RPIA: variants seen among roughly 807,000 people sequenced by gnomAD.
RPIA encodes ribose-5-phosphate isomerase.
A neutral mutation model predicts 37.8 loss-of-function variants in RPIA; 29 were observed. The observed-to-expected ratio is 0.77, with a 90% confidence interval of 0.57 to 1.05. The LOEUF (loss-of-function observed/expected upper bound fraction) is 1.05. Ranked by LOEUF, RPIA falls within the 50% of genes least tolerant of loss-of-function variation. RPIA has a pLI of 0.00. For missense variants in RPIA, 385 were observed against 413.6 expected, an observed-to-expected ratio of 0.93 and a Z score of 0.60; for synonymous variants, 167 against 157.0, an observed-to-expected ratio of 1.06 and a Z score of -0.48.
chr2:88,729,248 AT>A, intron 3 of RPIA, 29 bp from the exon 4 acceptor site: 2 of 1,610,982 alleles, frequency 1.2e-6, no homozygotes, highest in Non-Finnish European at 1.7e-6. Flanking sequence ...CAAGTAAATG[AT>A]CGTGGTTGCT....
At chr2:88,708,452 G>A (rs1023901956) in intron 3 of RPIA, among the ~76,000 whole-genome samples, 3 of 152,200 alleles carry the variant, frequency 2.0e-5, no homozygotes, top group Admixed American at 6.5e-5. Context: ...CAAAAAAAAG[G>A]TCCCTTGGCT....
chr2:88,710,697 A>G (rs1033429336), intron 3 of RPIA, among the ~76,000 whole-genome samples: 1 of 152,228 alleles, frequency 6.6e-6, no homozygotes, highest in Non-Finnish European at 1.5e-5. Flanking sequence ...ATGAGGTGCT[A>G]TAATTTTTAG....
rs189214059 is a variant in RPIA at position 88,728,613 on chromosome 2, C to T, written c.403-665C>T. On this transcript the variant is annotated intron_variant, in intron 3 of 8. Coordinates refer to ENST00000283646, the MANE Select transcript of RPIA (RefSeq NM_144563.3). ...GGTATCTTTATTCCAGCTACGAATC[C>T]TGCTCAGAGCCAAAATTTGATGGCT... Among the ~76,000 whole-genome samples the T allele has an allele frequency of 9.2e-5, 14 of 152,310 alleles. No individual in the cohort carries two copies. The East Asian group carries it at 2.7e-3, about 29-fold the overall frequency.
chr2:88,741,194 T>A (rs1257156948), intron 8 of RPIA, among the ~76,000 whole-genome samples: 2 of 152,158 alleles, frequency 1.3e-5, no homozygotes, highest in African/African-American at 4.8e-5. Context: ...ATGCATAGTC[T>A]TTTCTCCCTT....
chr2:88,729,750 CA>C (rs2104126034), intron 4 of RPIA, among the ~76,000 whole-genome samples: 1 of 12,988 alleles, frequency 7.7e-5, no homozygotes, highest in South Asian at 1.1e-3. Context: ...GAAATAGAGA[CA>C]CAAAAAACCC....
chr2:88,705,199 A>G (rs1307446579), intron 3 of RPIA, among the ~76,000 whole-genome samples: 1 of 152,212 alleles, frequency 6.6e-6, no homozygotes, highest in East Asian at 1.9e-4. Context: ...CATTCTTCAC[A>G]TAATTAGAAA....
chr2:88,726,567 C>T (rs1673199644), intron 3 of RPIA, among the ~76,000 whole-genome samples: 1 of 152,086 alleles, frequency 6.6e-6, no homozygotes, highest in Non-Finnish European at 1.5e-5. Flanking sequence ...GGTGTGGTGC[C>T]TGGCACTCCA....
At chr2:88,721,574 C>G (rs1031560537) in intron 3 of RPIA, among the ~76,000 whole-genome samples, 1 of 48,036 alleles carries the variant, frequency 2.1e-5, no homozygotes, top group African/African-American at 9.4e-5. Context: ...CACACACACC[C>G]CCCCCCCCAC....
intron 4 of RPIA, among the ~76,000 whole-genome samples, chr2:88,733,979 C>G (rs1280635018): frequency 2.0e-5 from 3 of 152,156 alleles, no homozygotes; most frequent in African/African-American, 7.2e-5. Context: ...CCAGTAATTT[C>G]CAGTTCGGGA....
intron 3 of RPIA, among the ~76,000 whole-genome samples, chr2:88,722,106 T>C (rs1016634195): frequency 4.6e-5 from 7 of 151,864 alleles, no homozygotes; most frequent in Non-Finnish European, 8.8e-5. Flanking sequence ...AAATTAACCA[T>C]ACAAGATTTT....
At chr2:88,695,414 G>A (rs142793578) in intron 1 of RPIA, among the ~76,000 whole-genome samples, 1 of 152,228 alleles carries the variant, frequency 6.6e-6, no homozygotes, top group Non-Finnish European at 1.5e-5. Context: ...GGTGTCTGCT[G>A]CAGAGTAGAT....
At chr2:88,702,004 A>G (rs1000659342) in intron 3 of RPIA, among the ~76,000 whole-genome samples, 18 of 152,234 alleles carry the variant, frequency 1.2e-4, no homozygotes, top group African/African-American at 4.1e-4. Context: ...TTGAACATAG[A>G]TTTTGATAGT....
chr2:88,739,644 G>T (rs1340037178), intron 8 of RPIA, among the ~76,000 whole-genome samples: 1 of 152,080 alleles, frequency 6.6e-6, no homozygotes, highest in African/African-American at 2.4e-5. Context: ...TTGAGATAGG[G>T]TCTCGCTCTG....
At position 88,700,069 on chromosome 2, in the gene RPIA, G is replaced by T. The variant is rs1185154926; in HGVS notation, c.402+5G>T. 2.5e-6 allele frequency: 4 copies of T among 1,614,086 alleles called. No homozygotes were observed. Among genetic ancestry groups the T allele is most frequent in the Middle Eastern group, 3.3e-4 (2 of 6,062 alleles). On this transcript the variant is annotated splice_donor_5th_base_variant and intron_variant, in intron 3 of 8. Coordinates refer to ENST00000283646, the MANE Select transcript of RPIA (RefSeq NM_144563.3). ...TGTATTCCCACTTCCTTCCAGGTAT[G>T]TCCTGCTTTCCATCTGCATCGTGAC...
At chr2:88,727,843 G>C (rs1051131472) in intron 3 of RPIA, among the ~76,000 whole-genome samples, 1 of 152,094 alleles carries the variant, frequency 6.6e-6, no homozygotes, top group Non-Finnish European at 1.5e-5. Context: ...TCTTTGATAA[G>C]TTCAAAATCA....
Position 88,750,149 on chromosome 2 carries a change from A to C in RPIA, c.*71A>C, listed in dbSNP as rs1673486716. ...GCCAAGGTGGACGTACCTCTCCAGG[A>C]GCCTTTGCCTTAATGTATCTCTGCC... On this transcript the variant is annotated 3_prime_UTR_variant, in exon 9 of 9. Transcript: ENST00000283646. 4.7e-6 allele frequency: 5 copies of C among 1,054,770 alleles called. No homozygotes were observed. In the Middle Eastern group the frequency reaches 8.4e-4, roughly 177 times the overall value. 65.3% of individuals were successfully genotyped at this position (1,054,770 alleles called of 1,614,324 possible). A position where few individuals can be genotyped will look rare whatever the true frequency, so the allele number is the denominator to read the frequency against.
intron 3 of RPIA, among the ~76,000 whole-genome samples, chr2:88,728,644 C>A (rs994329148): frequency 6.6e-6 from 1 of 152,122 alleles, no homozygotes; most frequent in Admixed American, 6.5e-5. Context: ...TGGCTGTAAC[C>A]ACTGTTCTCC....
intron 3 of RPIA, among the ~76,000 whole-genome samples, chr2:88,719,978 C>CA (rs112011572): frequency 8.9e-4 from 135 of 152,232 alleles, no homozygotes; most frequent in African/African-American, 3.1e-3. Context: ...CTCACACACC[C>CA]ACCTGTTCCA....
intron 3 of RPIA, among the ~76,000 whole-genome samples, chr2:88,704,455 C>G (rs1465604429): frequency 2.0e-5 from 3 of 152,160 alleles, no homozygotes; most frequent in African/African-American, 7.2e-5. Flanking sequence ...GCAGAAACCC[C>G]TGATAAAACC....
Sources: allele counts gnomAD v4.1 joint callset (sites outside exome capture counted in the v4.1 genomes callset), GRCh38; gene constraint gnomAD v4.1.1; transcripts MANE v1.5; gene names NCBI Gene and HGNC (gene_info 2026-07-23, HGNC 2026-07-21).